Variants in PTPRM observed in about 807,000 individuals in gnomAD.
PTPRM encodes protein tyrosine phosphatase receptor type M, also known as receptor-type tyrosine-protein phosphatase mu.
In PTPRM, 47 loss-of-function variants were observed where a neutral mutation model predicts 186.7. The observed-to-expected ratio is 0.25, with a 90% CI of 0.20 to 0.32. PTPRM has a LOEUF of 0.32. Ranked by LOEUF, PTPRM falls within the 10% of genes least tolerant of loss-of-function variation. PTPRM has a pLI of 1.00. For synonymous variants in PTPRM, 668 were observed against 674.9 expected, an observed-to-expected ratio of 0.99 and a Z score of 0.16; for missense variants, 1,494 against 1,865.0, an observed-to-expected ratio of 0.80 and a Z score of 3.66.
At chr18:7,585,212 C>T (rs2036947148) in intron 1 of PTPRM, among the ~76,000 whole-genome samples, 1 of 152,168 alleles carries the variant, frequency 6.6e-6, no homozygotes, top group South Asian at 2.1e-4. Flanking sequence ...CAGGTTGATG[C>T]AGAGGGAAGG....
chr18:7,793,014 T>C (rs1197996319), intron 2 of PTPRM, among the ~76,000 whole-genome samples: 2 of 152,218 alleles, frequency 1.3e-5, no homozygotes, highest in African/African-American at 4.8e-5. Flanking sequence ...TTGAGATTTC[T>C]TTCTGCAGAC....
At position 8,027,807 on chromosome 18, in the gene PTPRM, A is replaced by T. The variant is rs539150920; in HGVS notation, c.1133-41879A>T. 3.1e-4 allele frequency among the ~76,000 whole-genome samples: 47 copies of T among 152,276 alleles called. No individual in the cohort carries two copies. In the East Asian group the frequency reaches 5.0e-3, roughly 16 times the overall value. ...GATACAAAGACAAGTCTTATATTTT[A>T]AAAAAATTGCAAATAAAGAAGTAGA... is the stretch of plus-strand genomic sequence containing the variant. On this transcript the variant is annotated intron_variant, in intron 7 of 32. Transcript: ENST00000580170.
chr18:7,603,013 C>T (rs2037444602), intron 1 of PTPRM, among the ~76,000 whole-genome samples: 5 of 151,262 alleles, frequency 3.3e-5, no homozygotes, highest in Admixed American at 2.6e-4. Context: ...CTACAAGCTC[C>T]ACCTCCTGGG....
rs1462255270 is a variant in PTPRM at position 8,379,548 on chromosome 18, A to C, written c.3786+208A>C. On this transcript the variant is annotated intron_variant, in intron 28 of 32. Transcript: ENST00000580170. ...GTTTCTCAAAGACCACCAGGCCAGG[A>C]GTATCCGTAAATGCAGCATGGCACA... Among the ~76,000 whole-genome samples, 3 of 152,210 alleles carry C rather than the reference A, an allele frequency of 2.0e-5. No individual in the cohort carries two copies. In the South Asian group the frequency reaches 6.2e-4, roughly 32 times the overall value.
chr18:8,054,322 T>TATATATATATA (rs1555710867), intron 7 of PTPRM, among the ~76,000 whole-genome samples: 13 of 135,126 alleles, frequency 9.6e-5, no homozygotes, highest in African/African-American at 3.3e-4. Context: ...TATATATATA[T>TATATATATATA]TACTACTACT....
Position 7,568,021 on chromosome 18 carries a change from A to T in PTPRM, c.73+130A>T, listed in dbSNP as rs534353427. On this transcript the variant is annotated intron_variant, in intron 1 of 32. Coordinates refer to ENST00000580170, the MANE Select transcript of PTPRM (RefSeq NM_001105244.2). This position sits in a 1 kb window ranked among gnomAD's most constrained non-coding sequence, Gnocchi z 5.1. ...CCGGGCGGGGGGCGCGGCGGGCCGG[A>T]CACCGCTTCTGCCTGTGAGCCGGGC... 61 of 851,958 alleles carry T rather than the reference A, an allele frequency of 7.2e-5. 3 individuals are homozygous for T. In the South Asian group the frequency reaches 1.8e-3, roughly 24 times the overall value. The allele number at this position is 851,958 out of a possible 1,614,324, so 52.8% of individuals were successfully genotyped here. A position where few individuals can be genotyped will look rare whatever the true frequency, so the allele number is the denominator to read the frequency against.
intron 1 of PTPRM, among the ~76,000 whole-genome samples, chr18:7,705,969 G>A (rs1314098724): frequency 6.8e-6 from 1 of 146,884 alleles, no homozygotes; most frequent in Admixed American, 6.8e-5. Flanking sequence ...ATATATAAAA[G>A]GTAACATACC....
chr18:7,979,175 C>T (rs2055162885), intron 7 of PTPRM, among the ~76,000 whole-genome samples: 1 of 152,140 alleles, frequency 6.6e-6, no homozygotes, highest in Admixed American at 6.5e-5. Flanking sequence ...ATCACTGACC[C>T]GCCACTGTAG....
intron 17 of PTPRM, among the ~76,000 whole-genome samples, chr18:8,252,113 T>C (rs989263728): frequency 6.6e-6 from 1 of 152,252 alleles, no homozygotes; most frequent in Non-Finnish European, 1.5e-5. Flanking sequence ...AGAGCCTCTT[T>C]AGGCTTCTTT....
chr18:7,847,237 G>A (rs903427103), intron 2 of PTPRM, among the ~76,000 whole-genome samples: 11 of 150,090 alleles, frequency 7.3e-5, no homozygotes, highest in African/African-American at 9.8e-5. Context: ...TGCAGTCACA[G>A]CACACTGCAG....
chr18:7,701,461 G>A (rs191977278), intron 1 of PTPRM, among the ~76,000 whole-genome samples: 230 of 150,048 alleles, frequency 1.5e-3, no homozygotes, highest in African/African-American at 5.2e-3. Context: ...GTAGCTGGGC[G>A]TGGTGGCGCG....
chr18:8,001,290 G>A (rs1161135267), intron 7 of PTPRM, among the ~76,000 whole-genome samples: 1 of 152,012 alleles, frequency 6.6e-6, no homozygotes, highest in Non-Finnish European at 1.5e-5. Flanking sequence ...TAAACTCCAG[G>A]ATGGAGCCTA....
intron 1 of PTPRM, among the ~76,000 whole-genome samples, chr18:7,616,627 G>C (rs147620730): frequency 1.3e-5 from 2 of 152,120 alleles, no homozygotes; most frequent in East Asian, 3.9e-4. Context: ...CTACCAGCCC[G>C]GGCACCCCTC....
chr18:7,913,721 A>G (rs918480967), intron 4 of PTPRM, among the ~76,000 whole-genome samples: 1 of 152,166 alleles, frequency 6.6e-6, no homozygotes, highest in Non-Finnish European at 1.5e-5. Context: ...ATGAAACATT[A>G]TACGAAGTTA....
In PTPRM at chr18:7,808,536, A is replaced by G. The variant is rs1014856118; in HGVS notation, c.196+34265A>G. Among the ~76,000 whole-genome samples the G allele has an allele frequency of 2.0e-5, 3 of 152,236 alleles. No individual in the cohort carries two copies. In the East Asian group the frequency reaches 5.8e-4, roughly 29 times the overall value. On this transcript the variant is annotated intron_variant, in intron 2 of 32. Transcript: ENST00000580170. The stretch of plus-strand genomic sequence containing the variant: ...ACTCTGCCTTTGTGAGGATTAAAGC[A>G]AAGAGTTGTCCTAATTTTTAATTCT...
chr18:8,171,493 C>G (rs1295595480), intron 14 of PTPRM, among the ~76,000 whole-genome samples: 16 of 152,190 alleles, frequency 1.1e-4, no homozygotes, highest in Admixed American at 1.0e-3. Flanking sequence ...GCTTGGACCT[C>G]TGTGAGTAGG....
At chr18:8,214,824 G>A (rs975643246) in intron 14 of PTPRM, among the ~76,000 whole-genome samples, 11 of 152,200 alleles carry the variant, frequency 7.2e-5, no homozygotes, top group Admixed American at 7.2e-4. Flanking sequence ...CACCGTGCCT[G>A]GCTAATCTTT....
At chr18:7,940,950 C>G (rs533870491) in intron 5 of PTPRM, among the ~76,000 whole-genome samples, 1 of 152,192 alleles carries the variant, frequency 6.6e-6, no homozygotes, top group Admixed American at 6.5e-5. Context: ...ATATGCAGTG[C>G]AGATGCCTTT....
chr18:7,743,913 G>T (rs1239827782), intron 1 of PTPRM, among the ~76,000 whole-genome samples: 2 of 152,110 alleles, frequency 1.3e-5, no homozygotes, highest in African/African-American at 2.4e-5. Context: ...GAGGCTTCAT[G>T]AGTATCCCGA....
Sources: gnomAD v4.1 joint callset for allele counts (sites outside exome capture counted in the v4.1 genomes callset) on GRCh38, gnomAD v4.1.1 for gene constraint, Gnocchi (gnomAD v3.1) non-coding constraint, MANE v1.5 for transcripts, NCBI Gene and HGNC (gene_info 2026-07-23, HGNC 2026-07-21) for gene names.